SALL3: variants seen among roughly 807,000 people sequenced by gnomAD.
SALL3 encodes spalt like transcription factor 3.
Under a neutral mutation model 66.2 loss-of-function variants are expected in SALL3, and 25 were observed. The observed-to-expected ratio is 0.38, with a 90% confidence interval of 0.28 to 0.53. SALL3 has a LOEUF of 0.53. SALL3 is among the 20% of genes least tolerant of loss of function. The probability of loss-of-function intolerance (pLI) is 0.85; values close to 1 mark genes in which losing one functional copy is unlikely to be tolerated. For synonymous variants in SALL3, 1,152 were observed against 899.1 expected, an observed-to-expected ratio of 1.28 and a Z score of -5.03; for missense variants, 2,194 against 1,916.5, an observed-to-expected ratio of 1.14 and a Z score of -2.70.
chr18:78,994,938 G>A lies in SALL3; in HGVS notation c.2947G>A (p.Gly983Ser), dbSNP rs758434777. Residue 983 changes from glycine (G) to serine (S), a missense_variant, in exon 2 of 3, where the codon GGC becomes AGC. Gly to Ser is a moderately conservative substitution (Grantham distance 56). Transcript: ENST00000537592. ...KCPSTVCGVCGKPFACKSALE... is the reference protein window; with the variant it reads ...KCPSTVCGVCSKPFACKSALE... The stretch of plus-strand genomic sequence containing the variant: ...TCCCAGCACTGTGTGTGGTGTCTGT[G>A]GCAAGCCTTTTGCTTGCAAGAGCGC... The A allele has an allele frequency of 1.2e-6, 2 of 1,613,684 alleles. No individual in the cohort carries two copies. The highest frequency in any genetic ancestry group is 2.2e-5 in the South Asian group (2 of 91,074).
In SALL3 at chr18:78,993,478, G is replaced by A. The variant is rs1254881548; in HGVS notation, c.1487G>A (p.Gly496Asp). Residue 496 changes from glycine (G) to aspartate (D), a missense_variant, in exon 2 of 3, where the codon GGC (glycine) becomes GAC (aspartate). By Grantham distance (94) the Gly-to-Asp change is moderately conservative. Transcript: ENST00000537592. ...CTGGACAACGTGCCCACCTGCTCGG[G>A]CATCCCCTACGGCATGTCGCTGCCC... ...EYLDNVPTCS[G>D]IPYGMSLPPE... 9 of 1,612,202 alleles carry A rather than the reference G, an allele frequency of 5.6e-6. No individual in the cohort carries two copies. The highest frequency in any genetic ancestry group is 7.6e-6 in the Non-Finnish European group (9 of 1,179,772).
intron 1 of SALL3, among the ~76,000 whole-genome samples, chr18:78,982,148 A>C (rs1914094142): frequency 6.6e-6 from 1 of 152,252 alleles, no homozygotes; most frequent in Non-Finnish European, 1.5e-5. Flanking sequence ...TTCACTTCAG[A>C]AATGTGAGCA....
Position 78,993,152 on chromosome 18 carries a change from G to T in SALL3, c.1161G>T (p.Leu387=). The T allele has an allele frequency of 1.2e-6, 2 of 1,606,768 alleles. No individual in the cohort carries two copies. The highest frequency in any genetic ancestry group is 1.7e-6 in the Non-Finnish European group (2 of 1,177,830). The part of the protein sequence containing the change: ...LVSIAATANA[L]DPLSALMKHR... ...GCATCGCGGCCACGGCCAACGCTCT[G>T]GACCCGCTGTCCGCGCTCATGAAGC... Residue 387 remains leucine, a synonymous_variant, in exon 2 of 3, where the codon CTG becomes CTT. Coordinates refer to ENST00000537592, the MANE Select transcript of SALL3 (RefSeq NM_171999.4).
intron 2 of SALL3, among the ~76,000 whole-genome samples, chr18:78,995,678 ATG>A (rs1163176282): frequency 2.4e-5 from 3 of 126,666 alleles, no homozygotes; most frequent in East Asian, 2.4e-4. Context: ...GCGTGTACCT[ATG>A]TGTGTGCAGG....
intron 1 of SALL3, chr18:78,985,010 T>C (rs1914197550): frequency 1.3e-5 from 2 of 152,376 alleles, no homozygotes; most frequent in Admixed American, 6.5e-5. Context: ...CCTTTTTGTC[T>C]GATGTCTGAA....
At chr18:78,991,388 G>GC (rs1317691654) in intron 1 of SALL3, among the ~76,000 whole-genome samples, 3 of 112,624 alleles carry the variant, frequency 2.7e-5, no homozygotes, top group African/African-American at 6.3e-5. Flanking sequence ...AAGGGTGGGG[G>GC]GGGGGGAACT....
Position 78,979,878 on chromosome 18 carries a change from C to A in SALL3, c.-397C>A, listed in dbSNP as rs1010959199. Among the ~76,000 whole-genome samples the A allele has an allele frequency of 6.9e-6, 1 of 144,878 alleles. No homozygotes were observed. Among genetic ancestry groups the A allele is most frequent in the African/African-American group, 2.5e-5 (1 of 40,482 alleles). ...TGCCTGCGCCCTGCGGAGGGACGGC[C>A]ACCGCGGCCCGCGCCGCACCCGGGC... On this transcript the variant is annotated 5_prime_UTR_variant, in exon 1 of 3. Transcript: ENST00000537592.
rs1914733006 is a variant in SALL3 at position 78,997,324 on chromosome 18, C to G, written c.*2C>G. The G allele has an allele frequency of 6.2e-7, 1 of 1,610,618 alleles. No individual in the cohort carries two copies. Among genetic ancestry groups the G allele is most frequent in the Non-Finnish European group, 8.5e-7 (1 of 1,177,740 alleles). On this transcript the variant is annotated 3_prime_UTR_variant, in exon 3 of 3. Coordinates refer to ENST00000537592, the MANE Select transcript of SALL3 (RefSeq NM_171999.4). ...AACAAGGAGATTGGTATCAACTAGCCAGTGACTCGCTCATCTGCCCTGCCC... is the reference window on the plus strand; with the variant it reads ...AACAAGGAGATTGGTATCAACTAGCGAGTGACTCGCTCATCTGCCCTGCCC...
At chr18:78,985,421 C>T (rs922543803) in intron 1 of SALL3, among the ~76,000 whole-genome samples, 1 of 152,182 alleles carries the variant, frequency 6.6e-6, no homozygotes, top group Non-Finnish European at 1.5e-5. Flanking sequence ...TGTCGTGATT[C>T]GTCGGCGTTA....
rs1914782314 is a variant in SALL3 at position 78,998,741 on chromosome 18, T to A, written c.*1419T>A. On this transcript the variant is annotated 3_prime_UTR_variant, in exon 3 of 3. Coordinates refer to ENST00000537592, the MANE Select transcript of SALL3 (RefSeq NM_171999.4). ...GTACAATCAGTCATGACTTTGAAAT[T>A]TTCCGAGTTCCTGATTTATTTATTA... 1 of 152,244 alleles carries A rather than the reference T, an allele frequency of 6.6e-6. No individual in the cohort carries two copies. Among genetic ancestry groups the A allele is most frequent in the African/African-American group, 2.4e-5 (1 of 41,460 alleles). 9.4% of individuals were successfully genotyped at this position (152,244 alleles called of 1,614,324 possible).
In SALL3 at chr18:78,992,404, C is replaced by A; in HGVS notation, c.413C>A (p.Pro138His). Reference protein sequence around the residue: ...EKEAEPMDAEPAGDTRAPRPP... With the variant: ...EKEAEPMDAEHAGDTRAPRPP... ...GAGGCCGAGCCCATGGACGCGGAAC[C>A]CGCGGGGGACACGCGCGCGCCCCGG... Residue 138 changes from proline (P) to histidine (H), a missense_variant, in exon 2 of 3, where the codon CCC (proline) becomes CAC (histidine). Coordinates refer to ENST00000537592, the MANE Select transcript of SALL3 (RefSeq NM_171999.4). 7.5e-7 allele frequency: 1 copy of A among 1,328,706 alleles called. No individual in the cohort carries two copies. The highest frequency in any genetic ancestry group is 9.6e-7 in the Non-Finnish European group (1 of 1,047,100). The allele number at this position is 1,328,706 out of a possible 1,614,324, so 82.3% of individuals were successfully genotyped here.
In SALL3 at chr18:78,995,145, C is replaced by T. The variant is rs1369522587; in HGVS notation, c.3154C>T (p.Leu1052=). The T allele has an allele frequency of 1.9e-6, 3 of 1,613,564 alleles. No homozygotes were observed. The East Asian group carries it at 6.7e-5, about 36-fold the overall frequency. Residue 1052 remains leucine (L), a synonymous_variant, in exon 2 of 3, where the codon CTG becomes TTG. Transcript: ENST00000537592. The part of the protein sequence containing the change: ...ALGPSQSTPS[L]ISSAAPTMIK... Reference sequence around the variant, plus strand: ...AGGTCCCAGCCAAAGCACTCCTAGCCTGATCTCCAGCGCCGCACCCACCAT... The same window carrying T: ...AGGTCCCAGCCAAAGCACTCCTAGCTTGATCTCCAGCGCCGCACCCACCAT...
intron 1 of SALL3, among the ~76,000 whole-genome samples, chr18:78,980,741 A>G (rs1914021339): frequency 8.2e-6 from 1 of 122,114 alleles, no homozygotes; most frequent in South Asian, 2.3e-4. Context: ...GCGGCGGGGA[A>G]GGCGACCGCA....
Position 78,998,796 on chromosome 18 carries a change from C to T in SALL3, c.*1474C>T, listed in dbSNP as rs1314881341. On this transcript the variant is annotated 3_prime_UTR_variant, in exon 3 of 3. Coordinates refer to ENST00000537592, the MANE Select transcript of SALL3 (RefSeq NM_171999.4). ...CTCAGATGAAAGCAAAGCACAGTGT[C>T]CTCTGATTTTTCAGAACACAGCCTG... 1.3e-5 allele frequency: 2 copies of T among 152,248 alleles called. No individual in the cohort carries two copies. The highest frequency in any genetic ancestry group is 6.5e-5 in the Admixed American group (1 of 15,276). 9.4% of individuals were successfully genotyped at this position (152,248 alleles called of 1,614,324 possible).
In SALL3 at chr18:78,995,140, C is replaced by T. The variant is rs754840957; in HGVS notation, c.3149C>T (p.Pro1050Leu). The T allele has an allele frequency of 2.5e-6, 4 of 1,613,560 alleles. No individual in the cohort carries two copies. Among genetic ancestry groups the T allele is most frequent in the Non-Finnish European group, 3.4e-6 (4 of 1,180,002 alleles). ...NFALGPSQST[P>L]SLISSAAPTM... ...GCTCTAGGTCCCAGCCAAAGCACTC[C>T]TAGCCTGATCTCCAGCGCCGCACCC... The change falls in exon 2 of 3, where the codon CCT becomes CTT. Residue 1050 changes from proline (P) to leucine (L), a missense_variant. Coordinates refer to ENST00000537592, the MANE Select transcript of SALL3 (RefSeq NM_171999.4).
Position 78,993,477 on chromosome 18 carries a change from GGCATCCCCTACGGCA to G in SALL3, c.1487_1501del (p.Gly496_Met501delinsVal). 6.2e-7 allele frequency: 1 copy of G among 1,612,426 alleles called. No homozygotes were observed. Among genetic ancestry groups the G allele is most frequent in the Non-Finnish European group, 8.5e-7 (1 of 1,179,832 alleles). ...CCTGGACAACGTGCCCACCTGCTCG[GGCATCCCCTACGGCA>G]TGTCGCTGCCCCCCGAGAAGCCCGT... On this transcript the variant is annotated inframe_deletion, in exon 2 of 3. Transcript: ENST00000537592.
chr18:78,985,446 A>G (rs1057084570), intron 1 of SALL3, among the ~76,000 whole-genome samples: 4 of 152,172 alleles, frequency 2.6e-5, no homozygotes, highest in Non-Finnish European at 4.4e-5. Context: ...TCTTTTCGAG[A>G]GTGACCTTCA....
chr18:78,981,882 A>G (rs963515122), intron 1 of SALL3, among the ~76,000 whole-genome samples: 5 of 152,220 alleles, frequency 3.3e-5, no homozygotes, highest in African/African-American at 1.2e-4. Flanking sequence ...CGAATGAGAA[A>G]GACAGTCTTT....
rs959247861 is a variant in SALL3, at chr18:78,992,927, C to A, written c.936C>A (p.Ala312=). The A allele has an allele frequency of 8.9e-6, 9 of 1,007,964 alleles. No individual in the cohort carries two copies. The highest frequency in any genetic ancestry group is 1.1e-5 in the Non-Finnish European group (9 of 845,984). The allele number at this position is 1,007,964 out of a possible 1,614,324, so 62.4% of individuals were successfully genotyped here. A position where few individuals can be genotyped will look rare whatever the true frequency, so the allele number is the denominator to read the frequency against. Residue 312 remains alanine, a synonymous_variant, in exon 2 of 3, where the codon GCC becomes GCA. Coordinates refer to ENST00000537592, the MANE Select transcript of SALL3 (RefSeq NM_171999.4). ...PGGPAEPSAP[A]APSAAPAPAA... ...GCCCTGCGGAGCCCAGCGCGCCCGC[C>A]GCCCCCAGCGCCGCCCCTGCCCCCG...
Sources: allele counts gnomAD v4.1 joint callset (sites outside exome capture counted in the v4.1 genomes callset), GRCh38; gene constraint gnomAD v4.1.1; transcripts MANE v1.5; gene names NCBI Gene and HGNC (gene_info 2026-07-23, HGNC 2026-07-21).